RAG1: variants seen among roughly 807,000 people sequenced by gnomAD.
The protein encoded by RAG1 is recombination activating 1.
In RAG1, 35 loss-of-function variants were observed where a neutral mutation model predicts 62.7. That is an observed-to-expected ratio of 0.56 (90% CI 0.43 to 0.74). The LOEUF is 0.74. RAG1 is among the 30% of genes least tolerant of loss of function. The pLI is 0.00. For missense variants in RAG1, 1,169 were observed against 1,278.6 expected, an observed-to-expected ratio of 0.91 and a Z score of 1.31; for synonymous variants, 461 against 470.3, an observed-to-expected ratio of 0.98 and a Z score of 0.26.
rs559563608 is a variant in RAG1 at position 36,578,192 on chromosome 11, G to T, written c.*1756G>T. 14 of 167,142 alleles carry T rather than the reference G, an allele frequency of 8.4e-5. No homozygotes were observed. The highest frequency in any genetic ancestry group is 3.4e-4 in the African/African-American group (14 of 41,564). 10.4% of individuals were successfully genotyped at this position (167,142 alleles called of 1,614,324 possible). A position where few individuals can be genotyped will look rare whatever the true frequency, so the allele number is the denominator to read the frequency against. Reference sequence around the variant, plus strand: ...GCTTGATAATTTAGTTGTCAAAAGTGCATCGGCGACATTATCTTTAATTGT... The same window carrying T: ...GCTTGATAATTTAGTTGTCAAAAGTTCATCGGCGACATTATCTTTAATTGT... On this transcript the variant is annotated 3_prime_UTR_variant, in exon 2 of 2. Transcript: ENST00000299440.
rs186105705 is a variant in RAG1 at position 36,541,645 on chromosome 11, C to T, written c.-412+5611C>T. The stretch of plus-strand genomic sequence containing the variant: ...AATACTAGGCCCTTGCTTGGATAGC[C>T]GATGCCTGCTTGTTGGTCTCTCCCT... On this transcript the variant is annotated intron_variant and NMD_transcript_variant, in intron 3 of 9. Transcript: ENST00000534663. Among the ~76,000 whole-genome samples, 11 of 152,228 alleles carry T rather than the reference C, an allele frequency of 7.2e-5. No homozygotes were observed. In the East Asian group the frequency reaches 1.5e-3, roughly 21 times the overall value.
At chr11:36,524,546 G>T (rs1860130589) in intron 2 of RAG1, among the ~76,000 whole-genome samples, 2 of 149,292 alleles carry the variant, frequency 1.3e-5, no homozygotes, top group Non-Finnish European at 1.5e-5. Flanking sequence ...GGGATGCAGT[G>T]ATGCAATCAG....
chr11:36,551,555 A>G (rs1259079139), intron 3 of RAG1, among the ~76,000 whole-genome samples: 1 of 148,388 alleles, frequency 6.7e-6, no homozygotes, highest in Non-Finnish European at 1.5e-5. Flanking sequence ...CACCAGTCAT[A>G]TTGAATTAGG....
intron 2 of RAG1, among the ~76,000 whole-genome samples, chr11:36,523,849 T>C (rs1207887000): frequency 6.6e-6 from 1 of 152,202 alleles, no homozygotes; most frequent in Non-Finnish European, 1.5e-5. Context: ...GGTAACATCA[T>C]GCAAAACTGT....
At chr11:36,548,492 A>C (rs1850431447) in intron 3 of RAG1, among the ~76,000 whole-genome samples, 1 of 152,222 alleles carries the variant, frequency 6.6e-6, no homozygotes, top group Non-Finnish European at 1.5e-5. Flanking sequence ...ACAAACAGAG[A>C]GCCAAATCAT....
rs769375583 is a variant in RAG1 at position 36,576,103 on chromosome 11, A to G, written c.2799A>G (p.Gly933=). ...LSTKFKYRYE[G]KITNYFHKTL... is the part of the protein sequence containing the mutation. ...CGAAGTTCAAGTATAGGTATGAGGG[A>G]AAAATCACCAATTATTTTCACAAAA... Residue 933 remains glycine (G), a synonymous_variant, in exon 2 of 2, where the codon GGA becomes GGG. Coordinates refer to ENST00000299440, the MANE Select transcript of RAG1 (RefSeq NM_000448.3). 31 of 1,613,906 alleles carry G rather than the reference A, an allele frequency of 1.9e-5. No homozygotes were observed. The Admixed American group carries it at 3.7e-4, about 19-fold the overall frequency.
chr11:36,524,094 A>C (rs1860122007), intron 2 of RAG1, among the ~76,000 whole-genome samples: 1 of 152,156 alleles, frequency 6.6e-6, no homozygotes. Flanking sequence ...GGGGTTGGCT[A>C]TGAACATTCC....
rs763174085 is a variant in RAG1, at chr11:36,574,321, C to T, written c.1017C>T (p.Asp339=). 1 of 1,614,224 alleles carries T rather than the reference C, an allele frequency of 6.2e-7. No individual in the cohort carries two copies. The highest frequency in any genetic ancestry group is 1.3e-5 in the African/African-American group (1 of 75,060). Reference sequence around the variant, plus strand: ...GCCGATATCCATGCTTCCCTACTGACCTGGAGAGTCCAGTGAAGTCCTTTC... The same window carrying T: ...GCCGATATCCATGCTTCCCTACTGATCTGGAGAGTCCAGTGAAGTCCTTTC... The part of the protein sequence containing the change: ...PSCRYPCFPT[D]LESPVKSFLS... Residue 339 remains aspartate (D), a synonymous_variant, in exon 2 of 2, where the codon GAC becomes GAT. Transcript: ENST00000299440.
At chr11:36,537,898 C>A (rs964003478), downstream of RAG1, among the ~76,000 whole-genome samples, 3 of 152,014 alleles carry the variant, frequency 2.0e-5, no homozygotes, top group Admixed American at 1.3e-4. Context: ...TCTCTTTATT[C>A]ATTTCTTATG....
chr11:36,575,799 G>T lies in RAG1; in HGVS notation c.2495G>T (p.Trp832Leu). The T allele has an allele frequency of 2.5e-6, 4 of 1,614,238 alleles. No homozygotes were observed. Among genetic ancestry groups the T allele is most frequent in the Non-Finnish European group, 3.4e-6 (4 of 1,180,054 alleles). Residue 832 changes from tryptophan (W) to leucine (L), a missense_variant, in exon 2 of 2, where the codon TGG (tryptophan) becomes TTG (leucine). By Grantham distance (61) the Trp-to-Leu change is moderately conservative. This residue lies in a region of RAG1 where 800 missense variants were observed against 943.3 expected (regional missense o/e 0.85). Transcript: ENST00000299440. This position sits in a 1 kb window ranked among gnomAD's most constrained non-coding sequence, Gnocchi z 4.1. ...PNASKEERKR[W>L]QATLDKHLRK... Reference sequence around the variant, plus strand: ...GCTTCCAAAGAGGAAAGGAAAAGGTGGCAGGCCACACTGGACAAGCATCTC... The same window carrying T: ...GCTTCCAAAGAGGAAAGGAAAAGGTTGCAGGCCACACTGGACAAGCATCTC...
chr11:36,560,971 T>G (rs1850576209), intron 3 of RAG1, among the ~76,000 whole-genome samples: 1 of 152,236 alleles, frequency 6.6e-6, no homozygotes, highest in Non-Finnish European at 1.5e-5. Context: ...TGTCCTTCTT[T>G]GTGGAGGAGG....
chr11:36,559,551 T>C (rs1213012213), intron 3 of RAG1, among the ~76,000 whole-genome samples: 3 of 152,182 alleles, frequency 2.0e-5, no homozygotes, highest in Non-Finnish European at 4.4e-5. Flanking sequence ...CTTCATTCTT[T>C]TTTATTTTTC....
rs372690734 is a variant in RAG1 at position 36,535,455 on chromosome 11, TA to T, written n.429-501del. Reference sequence around the variant, plus strand: ...TGTTAATTATAATATATGCATTGTTTAAATATATACTCACATATAGGCCAGA... The same window carrying T: ...TGTTAATTATAATATATGCATTGTTTAATATATACTCACATATAGGCCAGA... On this transcript the variant is annotated intron_variant and non_coding_transcript_variant, in intron 2 of 2. Transcript: ENST00000529126. 2.6e-4 allele frequency among the ~76,000 whole-genome samples: 40 copies of T among 152,304 alleles called. No individual in the cohort carries two copies. In the East Asian group the frequency reaches 4.0e-3, roughly 15 times the overall value.
chr11:36,536,037 G>A (rs905768534), downstream of RAG1: 5 of 152,152 alleles, frequency 3.3e-5, no homozygotes, highest in Non-Finnish European at 7.4e-5. Context: ...TTAACTAGGT[G>A]AGTCTTTCAC....
At chr11:36,545,934 G>C (rs1460885585) in intron 3 of RAG1, among the ~76,000 whole-genome samples, 3 of 152,144 alleles carry the variant, frequency 2.0e-5, no homozygotes, top group Admixed American at 1.3e-4. Flanking sequence ...GTTCTAATTT[G>C]ATTGCACTGT....
At chr11:36,534,879 T>C (rs1860303680) in intron 2 of RAG1, among the ~76,000 whole-genome samples, 1 of 152,222 alleles carries the variant, frequency 6.6e-6, no homozygotes, top group Admixed American at 6.5e-5. Context: ...GCTTTTGGGG[T>C]ATCCTACCAG....
Position 36,573,720 on chromosome 11 carries a change from G to A in RAG1, c.416G>A (p.Gly139Asp). 6.2e-7 allele frequency: 1 copy of A among 1,613,982 alleles called. No individual in the cohort carries two copies. Among genetic ancestry groups the A allele is most frequent in the Non-Finnish European group, 8.5e-7 (1 of 1,180,038 alleles). ...VHGPVDGKTL[G>D]LLRKKEKRAT... The stretch of plus-strand genomic sequence containing the variant: ...GGTCCTGTGGATGGTAAAACCCTAG[G>A]CCTTTTACGAAAGAAGGAAAAGAGA... The change falls in exon 2 of 2, where the codon GGC (glycine) becomes GAC (aspartate). Residue 139 changes from glycine to aspartate, a missense_variant. By Grantham distance (94) the Gly-to-Asp change is moderately conservative. Around this residue, in one of 2 missense-constraint regions of RAG1, gnomAD observed 369 missense variants for 335.3 expected, o/e 1.10. Transcript: ENST00000299440.
At chr11:36,563,067 G>T (rs12282321), upstream of RAG1, among the ~76,000 whole-genome samples, 2,559 of 152,230 alleles carry the variant, frequency 0.017, 65 homozygotes, top group African/African-American at 0.058. Context: ...ATACCAGTAA[G>T]ATTGGATTAG....
At chr11:36,529,190 A>G (rs1860213227) in intron 2 of RAG1, among the ~76,000 whole-genome samples, 1 of 152,164 alleles carries the variant, frequency 6.6e-6, no homozygotes, top group Non-Finnish European at 1.5e-5. Flanking sequence ...ACACAATAAA[A>G]AAAGAAAATT....
Sources: allele counts gnomAD v4.1 joint callset (sites outside exome capture counted in the v4.1 genomes callset), GRCh38; gene constraint gnomAD v4.1.1; regional missense constraint gnomAD v4.1.1; non-coding constraint Gnocchi (gnomAD v3.1); transcripts MANE v1.5; gene names NCBI Gene and HGNC (gene_info 2026-07-23, HGNC 2026-07-21).